The following SHPRH variants were observed in gnomAD, a reference collection of about 807,000 sequenced individuals.
SHPRH encodes the protein E3 ubiquitin-protein ligase SHPRH.
SHPRH carries 106 observed loss-of-function variants against 202.5 expected under a neutral mutation model. That is an observed-to-expected ratio of 0.52 (90% CI 0.45 to 0.62). The LOEUF (loss-of-function observed/expected upper bound fraction) is 0.62. Ranked by LOEUF, SHPRH falls within the 20% of genes least tolerant of loss-of-function variation. SHPRH has a pLI of 0.00. For missense variants in SHPRH, 1,710 were observed against 2,020.0 expected (o/e 0.85, Z 2.94); for synonymous variants, 729 against 686.0 (o/e 1.06, Z -0.98).
chr6:145,877,566 A>G lies in SHPRH; in HGVS notation c.221+10454T>C, dbSNP rs183432206. Reference sequence around the variant, plus strand: ...TTGCCATGCCTCGAAATTGCCCTGCAAAGTCTCTTGTGGGAAAAATCCACA... The same window carrying G: ...TTGCCATGCCTCGAAATTGCCCTGCGAAGTCTCTTGTGGGAAAAATCCACA... On this transcript the variant is annotated intron_variant, in intron 2 of 2. Transcript: ENST00000417762. The G allele has an allele frequency of 2.0e-5, 3 of 152,346 alleles. No individual in the cohort carries two copies. The East Asian group carries it at 5.8e-4, about 29-fold the overall frequency. 9.4% of individuals were successfully genotyped at this position (152,346 alleles called of 1,614,324 possible).
At chr6:145,936,091 C>CT (rs914064162) in intron 11 of SHPRH, among the ~76,000 whole-genome samples, 15 of 152,090 alleles carry the variant, frequency 9.9e-5, no homozygotes, top group Admixed American at 8.5e-4. Context: ...CATGGGACTT[C>CT]TTGTTTATCT....
At chr6:145,917,513 A>G (rs951192225) in intron 23 of SHPRH, 5 of 152,154 alleles carry the variant, frequency 3.3e-5, no homozygotes, top group African/African-American at 7.2e-5. Flanking sequence ...ATTCAAATCT[A>G]TATCTTGTCC....
chr6:145,914,120 A>G (rs1783735716), intron 23 of SHPRH, among the ~76,000 whole-genome samples: 1 of 152,124 alleles, frequency 6.6e-6, no homozygotes, highest in Non-Finnish European at 1.5e-5. Flanking sequence ...AAACAAACAT[A>G]TGATTCCCAA....
At chr6:145,867,058 A>C (rs1470225523) in intron 2 of SHPRH, among the ~76,000 whole-genome samples, 1 of 152,220 alleles carries the variant, frequency 6.6e-6, no homozygotes, top group African/African-American at 2.4e-5. Context: ...TCCAGCATAT[A>C]AAATCTAAAA....
Position 145,943,679 on chromosome 6 carries a change from TATA to T in SHPRH, c.1699_1701del (p.Tyr567del), listed in dbSNP as rs748606336. The T allele has an allele frequency of 2.5e-6, 4 of 1,613,880 alleles. No homozygotes were observed. The highest frequency in any genetic ancestry group is 1.6e-4 in the Middle Eastern group (1 of 6,062). ...AATTTACTGCGATTTCTCCTGGACT[TATA>T]ATAATAATAGTAAGGATCATCATCA... On this transcript the variant is annotated inframe_deletion, in exon 9 of 30. Transcript: ENST00000275233.
chr6:145,890,556 AC>A (rs1781486843), intron 28 of SHPRH, among the ~76,000 whole-genome samples: 4 of 151,934 alleles, frequency 2.6e-5, no homozygotes, highest in Admixed American at 2.6e-4. Context: ...TTTATTTGTT[AC>A]CTTTGCTGCT....
At chr6:145,932,966 C>CT (rs1410105184) in intron 14 of SHPRH, 91 bp downstream of exon 14, 2 of 1,380,348 alleles carry the variant, frequency 1.4e-6, no homozygotes, top group Non-Finnish European at 9.8e-7. Context: ...GGGAAAAATC[C>CT]CCCCCCCAAA....
At chr6:145,861,025 T>C (rs1465952953), downstream of SHPRH, among the ~76,000 whole-genome samples, 1 of 152,042 alleles carries the variant, frequency 6.6e-6, no homozygotes, top group African/African-American at 2.4e-5. Flanking sequence ...CTGGAAACAA[T>C]AAAAGTCTTT....
chr6:145,869,167 G>C (rs1423404371), intron 2 of SHPRH, among the ~76,000 whole-genome samples: 1 of 152,108 alleles, frequency 6.6e-6, no homozygotes, highest in Non-Finnish European at 1.5e-5. Context: ...TACCTGTTAA[G>C]GTCTTTGGCT....
intron 1 of SHPRH, among the ~76,000 whole-genome samples, chr6:145,959,610 T>A (rs1174038394): frequency 1.3e-5 from 2 of 152,222 alleles, no homozygotes; most frequent in African/African-American, 4.8e-5. Flanking sequence ...TTAAATGTTA[T>A]AAACTCAGCT....
chr6:145,887,421 A>G (rs903988612), intron 29 of SHPRH, among the ~76,000 whole-genome samples: 13 of 152,164 alleles, frequency 8.5e-5, no homozygotes, highest in African/African-American at 3.1e-4. Context: ...TATACCATAA[A>G]TATTAGAAAG....
chr6:145,950,548 T>C, intron 3 of SHPRH, 66 bp from the exon 4 acceptor site: 1 of 1,476,626 alleles, frequency 6.8e-7, no homozygotes, highest in Non-Finnish European at 9.3e-7. Context: ...GCAATTCTTA[T>C]TCTAAGAGCA....
Position 145,940,764 on chromosome 6 carries a change from C to T in SHPRH, c.2528G>A (p.Arg843Gln), listed in dbSNP as rs753771308. 1.5e-5 allele frequency: 25 copies of T among 1,613,652 alleles called. No individual in the cohort carries two copies. The African/African-American group carries it at 2.7e-4, about 17-fold the overall frequency. ...EMAQRLSGIN[R>Q]WCISGTPVQR... ...TACTGGAGTGCCACTGATACACCAT[C>T]GATTAATCCCACTCAAACGCTGGGC... The change falls in exon 11 of 30, where the codon CGA becomes CAA. Residue 843 changes from arginine (R) to glutamine (Q), a missense_variant. By Grantham distance (43) the Arg-to-Gln change is conservative. Around this residue, in one of 8 missense-constraint regions of SHPRH, gnomAD observed 277 missense variants for 363.0 expected, o/e 0.76. Coordinates refer to ENST00000275233, the MANE Select transcript of SHPRH (RefSeq NM_001042683.3).
At chr6:145,961,544 A>T (rs1789092814) in intron 1 of SHPRH, among the ~76,000 whole-genome samples, 1 of 152,236 alleles carries the variant, frequency 6.6e-6, no homozygotes, top group African/African-American at 2.4e-5. Context: ...TAACAGACAT[A>T]TTACCAAACC....
Position 145,955,258 on chromosome 6 carries a change from T to C in SHPRH, c.65A>G (p.His22Arg), listed in dbSNP as rs1398936641. ...RVDEEKRQQL[H>R]WNMHEDRRNE... ...CCTTCTGTCCTCATGCATATTCCAA[T>C]GAAGCTGCTGCCTCTTTTCCTCATC... is the stretch of plus-strand genomic sequence containing the variant. Residue 22 changes from histidine (H) to arginine (R), a missense_variant, in exon 2 of 30, where the codon CAT becomes CGT. By Grantham distance (29) the His-to-Arg change is conservative. This residue lies in a region of SHPRH where 459 missense variants were observed against 426.5 expected (regional missense o/e 1.08). Coordinates refer to ENST00000275233, the MANE Select transcript of SHPRH (RefSeq NM_001042683.3). 2 of 1,612,330 alleles carry C rather than the reference T, an allele frequency of 1.2e-6. No individual in the cohort carries two copies. Among genetic ancestry groups the C allele is most frequent in the African/African-American group, 1.3e-5 (1 of 74,910 alleles).
intron 1 of SHPRH, among the ~76,000 whole-genome samples, chr6:145,960,421 G>A (rs1453829419): frequency 6.6e-6 from 1 of 152,120 alleles, no homozygotes; most frequent in Non-Finnish European, 1.5e-5. Context: ...AGTGTTGGAA[G>A]GGAATTGGGC....
chr6:145,955,113 C>T lies in SHPRH; in HGVS notation c.210G>A (p.Lys70=). ...SLKEEVAHRD[K]KRCSKVVSFS... is the part of the protein sequence containing the mutation. ...AGCTCACCACTTTTGAACACCTCTT[C>T]TTATCTCTGTGAGCCACTTCTTCCT... The change falls in exon 2 of 30, where the codon AAG becomes AAA. Residue 70 remains lysine, a synonymous_variant. Coordinates refer to ENST00000275233, the MANE Select transcript of SHPRH (RefSeq NM_001042683.3). 6.2e-7 allele frequency: 1 copy of T among 1,613,598 alleles called. No homozygotes were observed. Among genetic ancestry groups the T allele is most frequent in the Non-Finnish European group, 8.5e-7 (1 of 1,179,928 alleles).
rs74921686 is a variant in SHPRH, at chr6:145,889,502, G to C, written c.4875-1402C>G. On this transcript the variant is annotated intron_variant, in intron 28 of 29. Coordinates refer to ENST00000275233, the MANE Select transcript of SHPRH (RefSeq NM_001042683.3). ...AACTTTTTGAGTGCCAACGTGACAA[G>C]TGGAGGATTCAACACCTGACTTCAC... Among the ~76,000 whole-genome samples the C allele has an allele frequency of 2.6e-5, 4 of 152,242 alleles. No individual in the cohort carries two copies. In the East Asian group the frequency reaches 7.7e-4, roughly 29 times the overall value.
At chr6:145,882,602 C>G (rs1023041819), downstream of SHPRH, among the ~76,000 whole-genome samples, 1 of 152,124 alleles carries the variant, frequency 6.6e-6, no homozygotes, top group African/African-American at 2.4e-5. Flanking sequence ...GGAAAATACA[C>G]TCAACATTAT....
Sources: allele counts gnomAD v4.1 joint callset (sites outside exome capture counted in the v4.1 genomes callset), GRCh38; gene constraint gnomAD v4.1.1; regional missense constraint gnomAD v4.1.1; transcripts MANE v1.5; gene names NCBI Gene and HGNC (gene_info 2026-07-23, HGNC 2026-07-21).